TBC1D1: variants seen among roughly 807,000 people sequenced by gnomAD.
TBC1D1 encodes TBC1 (tre-2/USP6, BUB2, cdc16) domain family, member 1.
A neutral mutation model predicts 125.6 loss-of-function variants in TBC1D1; 89 were observed. That is an observed-to-expected ratio of 0.71 (90% confidence interval 0.60 to 0.85). The LOEUF (loss-of-function observed/expected upper bound fraction) is 0.85, where lower values mean the gene tolerates loss of function less well. Ranked by LOEUF, TBC1D1 falls within the 40% of genes least tolerant of loss-of-function variation. The pLI is 0.00. For missense variants in TBC1D1, 1,377 were observed against 1,469.2 expected, an observed-to-expected ratio of 0.94 and a Z score of 1.03; for synonymous variants, 565 against 564.1, an observed-to-expected ratio of 1.00 and a Z score of -0.02.
chr4:37,979,875 G>T (rs1486167168), intron 2 of TBC1D1, among the ~76,000 whole-genome samples: 1 of 152,210 alleles, frequency 6.6e-6, no homozygotes, highest in African/African-American at 2.4e-5. Flanking sequence ...TGGCTCCTGG[G>T]TTCAAGTGAT....
At chr4:38,109,564 C>T (rs1011682559) in intron 15 of TBC1D1, among the ~76,000 whole-genome samples, 2 of 152,166 alleles carry the variant, frequency 1.3e-5, no homozygotes, top group African/African-American at 2.4e-5. Flanking sequence ...TCCTCCCACA[C>T]CCCATTTTAA....
intron 2 of TBC1D1, chr4:37,960,977 C>T (rs1268913883): frequency 1.9e-6 from 3 of 1,614,098 alleles, no homozygotes; most frequent in Non-Finnish European, 2.5e-6. Flanking sequence ...TGTTTGCAGT[C>T]TCCTTCAAGC....
chr4:37,913,989 T>C (rs1719183944), intron 2 of TBC1D1, among the ~76,000 whole-genome samples: 1 of 152,192 alleles, frequency 6.6e-6, no homozygotes, highest in Non-Finnish European at 1.5e-5. Context: ...CTCTTTTGGC[T>C]CTTGGAGAAC....
intron 6 of TBC1D1, among the ~76,000 whole-genome samples, chr4:38,025,445 G>A (rs551273071): frequency 1.9e-4 from 29 of 152,306 alleles, no homozygotes; most frequent in Admixed American, 5.9e-4. Flanking sequence ...TAGGCGGGCC[G>A]GCTATTTAGA....
intron 17 of TBC1D1, among the ~76,000 whole-genome samples, chr4:38,123,531 GCT>G (rs1376676100): frequency 1.3e-5 from 2 of 152,210 alleles, no homozygotes; most frequent in African/African-American, 4.8e-5. Context: ...ACCCTGAAAA[GCT>G]CTGATTTCAA....
In TBC1D1 at chr4:37,977,071, T is replaced by C. The variant is rs549825023; in HGVS notation, c.418-37438T>C. Reference sequence around the variant, plus strand: ...GGAGAGGGAGGAATTCTTAGATTTCTGAAAGTTGTGCGAAACGGACCCCAG... The same window carrying C: ...GGAGAGGGAGGAATTCTTAGATTTCCGAAAGTTGTGCGAAACGGACCCCAG... On this transcript the variant is annotated intron_variant, in intron 2 of 19. Coordinates refer to ENST00000261439, the MANE Select transcript of TBC1D1 (RefSeq NM_015173.4). This position sits in a 1 kb window ranked among gnomAD's most constrained non-coding sequence, Gnocchi z 4.3. Among the ~76,000 whole-genome samples the C allele has an allele frequency of 1.1e-3, 161 of 152,274 alleles. 1 individual carries two copies. The highest frequency in any genetic ancestry group is 3.8e-3 in the African/African-American group (158 of 41,564).
intron 2 of TBC1D1, among the ~76,000 whole-genome samples, chr4:37,985,918 T>C (rs1735350879): frequency 6.6e-6 from 1 of 152,122 alleles, no homozygotes; most frequent in Non-Finnish European, 1.5e-5. Flanking sequence ...GTCATTGATG[T>C]GGTGGATTAT....
intron 2 of TBC1D1, among the ~76,000 whole-genome samples, chr4:38,003,268 C>T (rs1739420093): frequency 6.6e-6 from 1 of 152,184 alleles, no homozygotes; most frequent in African/African-American, 2.4e-5. Context: ...GGTTTTCACA[C>T]TCTGTTCCTG....
chr4:37,988,973 C>G (rs186509999), intron 2 of TBC1D1, among the ~76,000 whole-genome samples: 1 of 152,318 alleles, frequency 6.6e-6, no homozygotes, highest in Non-Finnish European at 1.5e-5. Flanking sequence ...TCTGACATCA[C>G]TTGACATAGC....
chr4:37,960,728 TAAAAC>T (rs763735478), intron 2 of TBC1D1: 81 of 1,614,040 alleles, frequency 5.0e-5, no homozygotes, highest in Admixed American at 1.2e-4. Flanking sequence ...AGAAGACTGT[TAAAAC>T]AAAAAGTTCT....
intron 17 of TBC1D1, among the ~76,000 whole-genome samples, chr4:38,120,741 A>G (rs548241687): frequency 1.4e-4 from 21 of 152,298 alleles, no homozygotes; most frequent in South Asian, 1.2e-3. Context: ...CATAATGTCA[A>G]TAGCCCCTTC....
chr4:37,905,704 TC>T, intron 2 of TBC1D1, among the ~76,000 whole-genome samples: 1 of 152,366 alleles, frequency 6.6e-6, no homozygotes, highest in South Asian at 2.1e-4. Flanking sequence ...GCCTTGGGCA[TC>T]CCAAAAAACT....
chr4:37,984,779 G>A (rs1351604597), intron 2 of TBC1D1, among the ~76,000 whole-genome samples: 1 of 150,956 alleles, frequency 6.6e-6, no homozygotes, highest in Non-Finnish European at 1.5e-5. Context: ...GGAGGCAGAG[G>A]TTGTAGTGAG....
intron 11 of TBC1D1, chr4:38,051,961 C>T (rs193244637): frequency 6.4e-7 from 1 of 1,550,786 alleles, no homozygotes; most frequent in African/African-American, 1.4e-5. Flanking sequence ...GCTCCTGCTC[C>T]TCCACCTCGT....
intron 12 of TBC1D1, among the ~76,000 whole-genome samples, chr4:38,062,498 C>G (rs1176988976): frequency 6.6e-6 from 1 of 152,066 alleles, no homozygotes; most frequent in African/African-American, 2.4e-5. Context: ...TATAACTTTG[C>G]TTTTCTGTGG....
chr4:37,916,905 G>A (rs1363531363), intron 2 of TBC1D1, among the ~76,000 whole-genome samples: 1 of 151,948 alleles, frequency 6.6e-6, no homozygotes, highest in African/African-American at 2.4e-5. Context: ...TGAGTAGCTG[G>A]GATTAGAGGC....
rs751750868 is a variant in TBC1D1, at chr4:38,089,959, C to A, written c.2078C>A (p.Pro693Gln). The A allele has an allele frequency of 1.3e-5, 21 of 1,596,962 alleles. No individual in the cohort carries two copies. In the Admixed American group the frequency reaches 3.3e-4, roughly 25 times the overall value. The stretch of plus-strand genomic sequence containing the variant: ...TATTCAGAGCTGGGAGAGCTTCCCC[C>A]ACGATCTCCTTTAGAACCAGTTTGT... Residue 693 changes from proline to glutamine, a missense_variant, in exon 13 of 20, where the codon CCA becomes CAA. Around this residue, in one of 3 missense-constraint regions of TBC1D1, gnomAD observed 543 missense variants for 613.5 expected, o/e 0.89. Coordinates refer to ENST00000261439, the MANE Select transcript of TBC1D1 (RefSeq NM_015173.4).
intron 2 of TBC1D1, among the ~76,000 whole-genome samples, chr4:37,926,911 G>T (rs1035139242): frequency 1.3e-5 from 2 of 152,162 alleles, no homozygotes; most frequent in African/African-American, 2.4e-5. Flanking sequence ...GAGGCCAGGA[G>T]TTCAAGATCA....
At position 38,045,897 on chromosome 4, in the gene TBC1D1, C is replaced by T. The variant is rs771598131; in HGVS notation, c.1623C>T (p.Thr541=). The change falls in exon 10 of 20, where the codon ACC becomes ACT. Residue 541 remains threonine (T), a synonymous_variant. Transcript: ENST00000261439. ...CCCTGTCTAGTACATTAAGTAACAC[C>T]AGCAAAGTAAGCACATTTCTCTTTA... 6.8e-6 allele frequency: 11 copies of T among 1,613,782 alleles called. No homozygotes were observed. In the South Asian group the frequency reaches 1.1e-4, roughly 16 times the overall value.
Sources: gnomAD v4.1 joint callset for allele counts (sites outside exome capture counted in the v4.1 genomes callset) on GRCh38, gnomAD v4.1.1 for gene constraint, gnomAD v4.1.1 regional missense constraint, Gnocchi (gnomAD v3.1) non-coding constraint, MANE v1.5 for transcripts, NCBI Gene and HGNC (gene_info 2026-07-23, HGNC 2026-07-21) for gene names.